The following BNC2 variants were observed in gnomAD, a reference collection of about 807,000 sequenced individuals.
BNC2 encodes the protein zinc finger protein basonuclin-2.
BNC2 carries 20 observed loss-of-function variants against 76.3 expected under a neutral mutation model. That is an observed-to-expected ratio of 0.26 (90% CI 0.18 to 0.38). The LOEUF (loss-of-function observed/expected upper bound fraction) is 0.38, where lower values mean the gene tolerates loss of function less well. Ranked by LOEUF, BNC2 falls within the 10% of genes least tolerant of loss-of-function variation. The probability of loss-of-function intolerance (pLI) is 1.00; values close to 1 mark genes in which losing one functional copy is unlikely to be tolerated. For missense variants in BNC2, 1,382 were observed against 1,399.8 expected, an observed-to-expected ratio of 0.99 and a Z score of 0.20; for synonymous variants, 582 against 514.8, an observed-to-expected ratio of 1.13 and a Z score of -1.77.
rs535217860 is a variant in BNC2, at chr9:16,605,597, A to C, written c.331-22512T>G. Among the ~76,000 whole-genome samples, 153 of 152,318 alleles carry C rather than the reference A, an allele frequency of 1.0e-3. 1 individual carries two copies. The highest frequency in any genetic ancestry group is 3.6e-3 in the African/African-American group (150 of 41,576). ...TACATAAAACTGTTTTCCACATTTAAGATGGACTGAATGGAAGCTTTTCTT... is the reference window on the plus strand; with the variant it reads ...TACATAAAACTGTTTTCCACATTTACGATGGACTGAATGGAAGCTTTTCTT... On this transcript the variant is annotated intron_variant, in intron 3 of 6. Transcript: ENST00000380672.
chr9:16,855,650 G>C (rs1819235464), intron 1 of BNC2, among the ~76,000 whole-genome samples: 1 of 151,750 alleles, frequency 6.6e-6, no homozygotes, highest in Non-Finnish European at 1.5e-5. Flanking sequence ...CCATTCTCCT[G>C]CCTCAGCCTC....
At chr9:16,506,902 C>T (rs1822640986) in intron 5 of BNC2, among the ~76,000 whole-genome samples, 1 of 152,018 alleles carries the variant, frequency 6.6e-6, no homozygotes, top group African/African-American at 2.4e-5. Flanking sequence ...CAGGCACATG[C>T]CACCACACTC....
rs534613712 is a variant in BNC2 at position 16,414,840 on chromosome 9, T to C, written c.*4149A>G. ...AGAGAAAGGGGAAAAAAAGGTCACA[T>C]TGTATTTGGTGGGAACCTAGTGCAT... On this transcript the variant is annotated 3_prime_UTR_variant, in exon 7 of 7. Transcript: ENST00000380672. 3.3e-5 allele frequency: 5 copies of C among 152,218 alleles called. No homozygotes were observed. Among genetic ancestry groups the C allele is most frequent in the East Asian group, 3.9e-4 (2 of 5,188 alleles). 9.4% of individuals were successfully genotyped at this position (152,218 alleles called of 1,614,324 possible).
chr9:16,802,482 G>A (rs1033413505), intron 1 of BNC2, among the ~76,000 whole-genome samples: 6 of 152,222 alleles, frequency 3.9e-5, no homozygotes. Flanking sequence ...ATGATTTCTT[G>A]ATTGTTTGTG....
chr9:16,680,392 C>T (rs931134637), intron 3 of BNC2, among the ~76,000 whole-genome samples: 4 of 152,010 alleles, frequency 2.6e-5, no homozygotes, highest in African/African-American at 9.7e-5. Flanking sequence ...TTATACTCCT[C>T]ATTTAAATTT....
intron 5 of BNC2, among the ~76,000 whole-genome samples, chr9:16,467,834 A>C (rs1821726693): frequency 7.1e-6 from 1 of 141,678 alleles, no homozygotes. Context: ...GAGTATAATA[A>C]AAAAAAAAAA....
At chr9:16,453,813 A>AAAACAAAAC (rs1242608162) in intron 5 of BNC2, among the ~76,000 whole-genome samples, 1 of 152,180 alleles carries the variant, frequency 6.6e-6, no homozygotes, top group Non-Finnish European at 1.5e-5. Flanking sequence ...CATCTTAAAC[A>AAAACAAAAC]AAACAAAACA....
At chr9:16,840,061 T>C (rs1489919485) in intron 1 of BNC2, among the ~76,000 whole-genome samples, 7 of 152,350 alleles carry the variant, frequency 4.6e-5, no homozygotes, top group East Asian at 1.9e-4. Flanking sequence ...TTTACATCTT[T>C]ACTGTTTTAC....
chr9:16,731,124 C>CACCT (rs1453734405), intron 2 of BNC2, among the ~76,000 whole-genome samples: 2 of 152,154 alleles, frequency 1.3e-5, no homozygotes, highest in African/African-American at 4.8e-5. Flanking sequence ...CAAAAAAATA[C>CACCT]ACCTACAAGG....
intron 3 of BNC2, among the ~76,000 whole-genome samples, chr9:16,606,509 G>A (rs1291554548): frequency 6.6e-6 from 1 of 151,852 alleles, no homozygotes; most frequent in Non-Finnish European, 1.5e-5. Flanking sequence ...ACAGTGAATG[G>A]GTCTCACAAG....
intron 5 of BNC2, among the ~76,000 whole-genome samples, chr9:16,458,035 CTG>C (rs933127725): frequency 2.0e-5 from 3 of 152,130 alleles, no homozygotes; most frequent in Non-Finnish European, 2.9e-5. Context: ...GGTAGAATGT[CTG>C]TCTTTATTTG....
intron 1 of BNC2, among the ~76,000 whole-genome samples, chr9:16,762,650 T>C (rs1216113188): frequency 6.6e-6 from 1 of 152,146 alleles, no homozygotes; most frequent in Admixed American, 6.5e-5. Flanking sequence ...CTATTTGTTC[T>C]CCAAAGTAAC....
At chr9:16,525,457 A>G (rs529039837) in intron 5 of BNC2, among the ~76,000 whole-genome samples, 1 of 152,228 alleles carries the variant, frequency 6.6e-6, no homozygotes, top group Non-Finnish European at 1.5e-5. Context: ...AGACGTTTAG[A>G]AAAAAAATGG....
chr9:16,677,870 G>A (rs965697681), intron 3 of BNC2, among the ~76,000 whole-genome samples: 1 of 151,958 alleles, frequency 6.6e-6, no homozygotes, highest in African/African-American at 2.4e-5. Context: ...CAAAAAATTC[G>A]CCAATGGTCA....
At chr9:16,869,151 A>G (rs556179838) in intron 1 of BNC2, among the ~76,000 whole-genome samples, 1 of 152,340 alleles carries the variant, frequency 6.6e-6, no homozygotes, top group South Asian at 2.1e-4. Context: ...CTAAACAGAT[A>G]TATTTAATAT....
At position 16,411,477 on chromosome 9, in the gene BNC2, T is replaced by C. The variant is rs1820459850; in HGVS notation, c.*7512A>G. 6.6e-6 allele frequency: 1 copy of C among 152,616 alleles called. No individual in the cohort carries two copies. Among genetic ancestry groups the C allele is most frequent in the Non-Finnish European group, 1.5e-5 (1 of 68,038 alleles). The allele number at this position is 152,616 out of a possible 1,614,324, so 9.5% of individuals were successfully genotyped here. A position where few individuals can be genotyped will look rare whatever the true frequency, so the allele number is the denominator to read the frequency against. On this transcript the variant is annotated 3_prime_UTR_variant, in exon 7 of 7. Coordinates refer to ENST00000380672, the MANE Select transcript of BNC2 (RefSeq NM_017637.6). The stretch of plus-strand genomic sequence containing the variant: ...TTAAGCATCCCTGGTATTTTAGAGT[T>C]AAGGGGAGAAAGCTAGTATCAGCGA...
chr9:16,754,556 A>AC (rs2135314798), intron 1 of BNC2, among the ~76,000 whole-genome samples: 1 of 151,096 alleles, frequency 6.6e-6, no homozygotes, highest in Admixed American at 6.6e-5. Flanking sequence ...TCAAATAGTC[A>AC]TTTTTTTTTC....
chr9:16,755,670 A>T (rs1019363613), intron 1 of BNC2, among the ~76,000 whole-genome samples: 31 of 151,522 alleles, frequency 2.0e-4, no homozygotes, highest in Admixed American at 1.7e-3. Context: ...CTATGAATGC[A>T]CTCCTGTCAT....
chr9:16,423,345 G>A (rs1820744751), intron 6 of BNC2, among the ~76,000 whole-genome samples: 1 of 152,066 alleles, frequency 6.6e-6, no homozygotes, highest in Admixed American at 6.5e-5. Flanking sequence ...AAAGATATAT[G>A]GAAGGAAGTT....
Sources: allele counts gnomAD v4.1 joint callset (sites outside exome capture counted in the v4.1 genomes callset), GRCh38; gene constraint gnomAD v4.1.1; transcripts MANE v1.5; gene names NCBI Gene and HGNC (gene_info 2026-07-23, HGNC 2026-07-21).